The following LMLN variants were observed in gnomAD, a reference collection of about 807,000 sequenced individuals.
LMLN encodes leishmanolysin like peptidase.
In LMLN, 70 loss-of-function variants were observed where a neutral mutation model predicts 92.3. That is an observed-to-expected ratio of 0.76 (90% CI 0.63 to 0.92). The LOEUF (loss-of-function observed/expected upper bound fraction) is 0.92, where lower values mean the gene tolerates loss of function less well. Among genes scored for constraint, LMLN ranks in the 40% least tolerant of loss-of-function variants. The pLI is 0.00. For missense variants in LMLN, 691 were observed against 814.6 expected (o/e 0.85, Z 1.85); for synonymous variants, 308 against 296.2 (o/e 1.04, Z -0.41).
rs116687985 is a variant in LMLN, at chr3:198,021,380, G to A, written c.1366-66G>A. ...ATTAAAGGGTTGCGAGAAATTGCCTGTGCACTTCCTCAATTTTATACAGAA... is the reference window on the plus strand; with the variant it reads ...ATTAAAGGGTTGCGAGAAATTGCCTATGCACTTCCTCAATTTTATACAGAA... On this transcript the variant is annotated intron_variant, in intron 12 of 15. Coordinates refer to ENST00000330198, the Ensembl canonical transcript of LMLN. The A allele has an allele frequency of 9.8e-4, 1,417 of 1,448,152 alleles. 11 individuals are homozygous for A. In the African/African-American group the frequency reaches 0.018, roughly 18 times the overall value. 89.7% of individuals were successfully genotyped at this position (1,448,152 alleles called of 1,614,324 possible).
Position 198,019,365 on chromosome 3 carries a change from C to T in LMLN, c.1345C>T (p.Pro449Ser), listed in dbSNP as rs774980548. 1.2e-6 allele frequency: 2 copies of T among 1,613,894 alleles called. No homozygotes were observed. Among genetic ancestry groups the T allele is most frequent in the South Asian group, 2.2e-5 (2 of 91,028 alleles). Residue 449 changes from proline to serine, a missense_variant, in exon 12 of 16, where the codon CCT (proline) becomes TCT (serine). Pro to Ser is a moderately conservative substitution (Grantham distance 74). Transcript: ENST00000330198. This position sits in a 1 kb window ranked among gnomAD's most constrained non-coding sequence, Gnocchi z 5.5. Reference sequence around the variant, plus strand: ...GTGTAATTTGCAGAAGTTCCCTAAGCCTTTACCACAGGAATACCAGGTAGA... The same window carrying T: ...GTGTAATTTGCAGAAGTTCCCTAAGTCTTTACCACAGGAATACCAGGTAGA...
At chr3:198,024,594 G>A in intron 13 of LMLN, 64 bp from the exon 15 acceptor site, 2 of 1,362,734 alleles carry the variant, frequency 1.5e-6, no homozygotes, top group Non-Finnish European at 9.9e-7. Flanking sequence ...AAATGGAATG[G>A]TTCAGTTTCT....
At chr3:198,012,475 A>G (rs1722473745) in intron 11 of LMLN, among the ~76,000 whole-genome samples, 1 of 152,142 alleles carries the variant, frequency 6.6e-6, no homozygotes, top group Non-Finnish European at 1.5e-5. Flanking sequence ...TCAGTTGTTG[A>G]GAGAATTCAC....
intron 3 of LMLN, among the ~76,000 whole-genome samples, chr3:197,975,511 G>T (rs140779942): frequency 6.8e-6 from 1 of 147,706 alleles, no homozygotes; most frequent in African/African-American, 2.7e-5. Flanking sequence ...GCACGTGCAC[G>T]CACACACATG....
exon 9 of LMLN, chr3:197,990,574 A>G (rs1438223441): frequency 2.0e-6 from 3 of 1,499,056 alleles, no homozygotes; most frequent in Non-Finnish European, 1.9e-6. Flanking sequence ...GATTATATCA[A>G]TGGAGTGATA....
chr3:198,036,090 T>A, intron 15 of LMLN, 47 bp downstream of exon 16: 2 of 1,495,752 alleles, frequency 1.3e-6, no homozygotes, highest in African/African-American at 1.4e-5. Flanking sequence ...GTGAAGGAGG[T>A]GAACTTCTCT....
At chr3:198,000,810 A>G (rs921718843) in intron 11 of LMLN, among the ~76,000 whole-genome samples, 1 of 152,198 alleles carries the variant, frequency 6.6e-6, no homozygotes, top group Non-Finnish European at 1.5e-5. Flanking sequence ...GTGAGTGCCA[A>G]CTAAGTATGA....
chr3:198,043,015 C>T (rs1386792075), exon 16 of LMLN: 1 of 152,218 alleles, frequency 6.6e-6, no homozygotes, highest in African/African-American at 2.4e-5. Flanking sequence ...CTTGCAGTTA[C>T]TCAGCCTATC....
At chr3:198,007,541 G>T (rs1013425419) in intron 11 of LMLN, among the ~76,000 whole-genome samples, 1 of 152,166 alleles carries the variant, frequency 6.6e-6, no homozygotes, top group Non-Finnish European at 1.5e-5. Context: ...TTCTGTTCTA[G>T]TGATCCATGT....
Position 197,980,324 on chromosome 3 carries a change from A to G in LMLN, c.550-2A>G. ...GCTTTCTGATGTCTCCCGTGGGTGC[A>G]GCAATGCCGGGTCTACCGTGGGGGT... On this transcript the variant is annotated splice_acceptor_variant, in intron 5 of 15. Transcript: ENST00000330198. LOFTEE classifies it high-confidence loss of function. 6.2e-7 allele frequency: 1 copy of G among 1,611,776 alleles called. No individual in the cohort carries two copies. The highest frequency in any genetic ancestry group is 8.5e-7 in the Non-Finnish European group (1 of 1,178,664).
chr3:198,021,947 C>T (rs1402935754), intron 13 of LMLN, among the ~76,000 whole-genome samples: 5 of 152,196 alleles, frequency 3.3e-5, no homozygotes, highest in Admixed American at 6.5e-5. Flanking sequence ...TTGCAAAGCA[C>T]TTTCATTCTT....
chr3:197,983,321 A>G (rs548108650), intron 6 of LMLN, among the ~76,000 whole-genome samples: 1 of 152,278 alleles, frequency 6.6e-6, no homozygotes, highest in East Asian at 1.9e-4. Context: ...CGCATGGTGG[A>G]ACTGAATTAC....
chr3:198,038,338 T>A (rs1471757289), intron 15 of LMLN: 1 of 439,792 alleles, frequency 2.3e-6, no homozygotes, highest in Non-Finnish European at 4.1e-6. Context: ...TGGATACCAT[T>A]TTTTAACCTT....
At chr3:197,965,041 G>T (rs779285884) in intron 1 of LMLN, among the ~76,000 whole-genome samples, 1 of 151,630 alleles carries the variant, frequency 6.6e-6, no homozygotes, top group Non-Finnish European at 1.5e-5. Flanking sequence ...AAGAGACAAG[G>T]TGTCCCTCTG....
chr3:198,038,585 C>G (rs201102192), exon 16 of LMLN: 1 of 1,613,846 alleles, frequency 6.2e-7, no homozygotes. Flanking sequence ...TCCTGTTCCT[C>G]GAGCCTGGTG....
In LMLN at chr3:197,976,586, A is replaced by G. The variant is rs1721389218; in HGVS notation, c.432-12A>G. The G allele has an allele frequency of 2.5e-5, 36 of 1,465,952 alleles. No individual in the cohort carries two copies. The highest frequency in any genetic ancestry group is 3.3e-5 in the Non-Finnish European group (35 of 1,066,628). The allele number at this position is 1,465,952 out of a possible 1,614,324, so 90.8% of individuals were successfully genotyped here. On this transcript the variant is annotated splice_polypyrimidine_tract_variant and intron_variant, in intron 4 of 15. Transcript: ENST00000330198. ...TTTTGTATTTAAACTTTGATGTACA[A>G]ATGGACTGAAGACAATGTGCAACAA...
At chr3:198,013,114 A>C (rs1182480649) in intron 11 of LMLN, among the ~76,000 whole-genome samples, 2 of 136,086 alleles carry the variant, frequency 1.5e-5, no homozygotes, top group Non-Finnish European at 3.1e-5. Flanking sequence ...CCCCCTAACT[A>C]GTCTGACTTC....
Position 198,024,738 on chromosome 3 carries a change from A to C in LMLN, c.1606A>C (p.Lys536Gln), listed in dbSNP as rs373828004. Reference sequence around the variant, plus strand: ...TCAGAAATCAGCATTCGTTATGGAGAAGTGTGAGAGGAAGCTGAGTTACCC... The same window carrying C: ...TCAGAAATCAGCATTCGTTATGGAGCAGTGTGAGAGGAAGCTGAGTTACCC... Residue 536 changes from lysine (K) to glutamine (Q), a missense_variant, in exon 14 of 16, where the codon AAG becomes CAG. Physicochemically the swap from Lys to Gln is moderately conservative, Grantham distance 53 (BLOSUM62 1). Transcript: ENST00000330198. 92 of 1,612,056 alleles carry C rather than the reference A, an allele frequency of 5.7e-5. No homozygotes were observed. The highest frequency in any genetic ancestry group is 7.3e-5 in the Non-Finnish European group (86 of 1,179,122).
At chr3:198,030,726 C>T (rs1407174332) in intron 14 of LMLN, among the ~76,000 whole-genome samples, 2 of 152,132 alleles carry the variant, frequency 1.3e-5, no homozygotes, top group Non-Finnish European at 2.9e-5. Context: ...GATTTTGTGT[C>T]ATATTCTTTT....
Sources: gnomAD v4.1 joint callset for allele counts (sites outside exome capture counted in the v4.1 genomes callset) on GRCh38, gnomAD v4.1.1 for gene constraint, Gnocchi (gnomAD v3.1) non-coding constraint, MANE v1.5 for transcripts, NCBI Gene and HGNC (gene_info 2026-07-23, HGNC 2026-07-21) for gene names.